Variants in RBBP8 observed in about 807,000 individuals in gnomAD.
RBBP8 encodes DNA endonuclease RBBP8.
RBBP8 carries 88 observed loss-of-function variants against 108.3 expected under a neutral mutation model. The ratio of observed to expected loss-of-function variants is 0.81; its 90% CI spans 0.68 to 0.97. RBBP8 has a LOEUF of 0.97. Ranked by LOEUF, RBBP8 falls within the 50% of genes least tolerant of loss-of-function variation. The pLI is 0.00. For missense variants in RBBP8, 1,023 were observed against 1,049.0 expected, an observed-to-expected ratio of 0.98 and a Z score of 0.34; for synonymous variants, 332 against 348.2, an observed-to-expected ratio of 0.95 and a Z score of 0.52.
chr18:22,989,102 G>A (rs1915514473), intron 8 of RBBP8, 119 bp from the exon 9 acceptor site: 9 of 684,784 alleles, frequency 1.3e-5, no homozygotes, highest in South Asian at 1.0e-4. Flanking sequence ...TGTGTCTAGT[G>A]CCATCTTATG....
Position 22,992,835 on chromosome 18 carries a change from C to A in RBBP8, c.1008C>A (p.Ile336=). ...SSPVFGATSS[I]KSGLDLNTSL... Reference sequence around the variant, plus strand: ...CTGTATTTGGAGCTACCTCTAGTATCAAAAGTGGTTTAGATTTGAATACAA... The same window carrying A: ...CTGTATTTGGAGCTACCTCTAGTATAAAAAGTGGTTTAGATTTGAATACAA... The change falls in exon 11 of 19, where the codon ATC becomes ATA. Residue 336 remains isoleucine (I), a synonymous_variant. Transcript: ENST00000327155. 6.2e-7 allele frequency: 1 copy of A among 1,612,530 alleles called. No homozygotes were observed. Among genetic ancestry groups the A allele is most frequent in the South Asian group, 1.1e-5 (1 of 91,036 alleles).
chr18:22,959,306 G>T (rs1306957696), intron 4 of RBBP8, among the ~76,000 whole-genome samples: 1 of 152,128 alleles, frequency 6.6e-6, no homozygotes, highest in African/African-American at 2.4e-5. Context: ...CTCATTGTTA[G>T]CATTCCAGTA....
Position 22,990,968 on chromosome 18 carries a change from A to G in RBBP8, c.839A>G (p.Asp280Gly). 6.2e-7 allele frequency: 1 copy of G among 1,613,810 alleles called. No individual in the cohort carries two copies. The highest frequency in any genetic ancestry group is 8.5e-7 in the Non-Finnish European group (1 of 1,179,776). Residue 280 changes from aspartate to glycine, a missense_variant, in exon 10 of 19, where the codon GAT becomes GGT. Physicochemically the swap from Asp to Gly is moderately conservative, Grantham distance 94 (BLOSUM62 -1). Coordinates refer to ENST00000327155, the MANE Select transcript of RBBP8 (RefSeq NM_002894.3). Reference sequence around the variant, plus strand: ...CAAGGTCCCATGAGCCCCCTTGGTGATGAGCTCTACCACTGTCTGGAAGGA... The same window carrying G: ...CAAGGTCCCATGAGCCCCCTTGGTGGTGAGCTCTACCACTGTCTGGAAGGA... ...ETQGPMSPLGDELYHCLEGNH... is the reference protein window; with the variant it reads ...ETQGPMSPLGGELYHCLEGNH...
At chr18:22,922,810 ATTAG>A (rs1411365228) in intron 3 of RBBP8, among the ~76,000 whole-genome samples, 1 of 152,164 alleles carries the variant, frequency 6.6e-6, no homozygotes, top group African/African-American at 2.4e-5. Context: ...AAATAAAGAG[ATTAG>A]TTTCTCCTTT....
At chr18:22,944,222 A>G (rs1259762703) in intron 2 of RBBP8, among the ~76,000 whole-genome samples, 1 of 152,240 alleles carries the variant, frequency 6.6e-6, no homozygotes. Context: ...AACCTGTTTC[A>G]GGGTGATCTA....
chr18:22,982,346 A>T lies in RBBP8; in HGVS notation c.557A>T (p.Tyr186Phe). The change falls in exon 7 of 19, where the codon TAC becomes TTC. Residue 186 changes from tyrosine (Y) to phenylalanine (F), a missense_variant. Coordinates refer to ENST00000327155, the MANE Select transcript of RBBP8 (RefSeq NM_002894.3). ...AGAAAGGAGAACCCCCATGTCCGAT[A>T]CATAGAACAAACACATACTAAATTG... ...LRRKENPHVR[Y>F]IEQTHTKLEH... 1 of 1,614,166 alleles carries T rather than the reference A, an allele frequency of 6.2e-7. No homozygotes were observed. The highest frequency in any genetic ancestry group is 8.5e-7 in the Non-Finnish European group (1 of 1,180,004).
At chr18:22,948,468 G>A (rs1911755427) in intron 3 of RBBP8, among the ~76,000 whole-genome samples, 1 of 152,062 alleles carries the variant, frequency 6.6e-6, no homozygotes, top group Admixed American at 6.6e-5. Flanking sequence ...CAAGTTCTCA[G>A]ATGTCCCTAC....
At chr18:22,955,490 A>G (rs1359673075) in intron 4 of RBBP8, among the ~76,000 whole-genome samples, 1 of 152,144 alleles carries the variant, frequency 6.6e-6, no homozygotes, top group Non-Finnish European at 1.5e-5. Flanking sequence ...GATAGATGAT[A>G]GATCCATTTT....
At chr18:22,991,927 T>TA (rs1474831998) in intron 10 of RBBP8, among the ~76,000 whole-genome samples, 5 of 152,202 alleles carry the variant, frequency 3.3e-5, no homozygotes, top group Admixed American at 3.3e-4. Context: ...TAGATTTTGT[T>TA]ACCCTAATTT....
chr18:22,978,582 G>A (rs369098915), intron 6 of RBBP8, among the ~76,000 whole-genome samples: 1 of 151,276 alleles, frequency 6.6e-6, no homozygotes. Flanking sequence ...ATTGCTTCTC[G>A]TGACTCATTC....
At chr18:22,991,170 A>G (rs1915673611) in intron 10 of RBBP8, 121 bp downstream of exon 10, 2 of 784,162 alleles carry the variant, frequency 2.6e-6, no homozygotes, top group South Asian at 1.5e-5. Flanking sequence ...GGTTATATAA[A>G]TGTTTACTTT....
intron 6 of RBBP8, chr18:22,977,924 A>G (rs1022245524): frequency 5.9e-5 from 9 of 152,116 alleles, no homozygotes; most frequent in Admixed American, 3.9e-4. Flanking sequence ...GGCATTAAAT[A>G]TCCTCTGTTC....
intron 15 of RBBP8, chr18:23,004,650 T>C (rs2144759145): frequency 6.6e-6 from 1 of 151,988 alleles, no homozygotes; most frequent in Admixed American, 6.6e-5. Flanking sequence ...GGAGTAGTGC[T>C]GTATTGGAGT....
At chr18:23,000,019 A>C (rs1303190960) in intron 14 of RBBP8, among the ~76,000 whole-genome samples, 1 of 152,248 alleles carries the variant, frequency 6.6e-6, no homozygotes, top group Non-Finnish European at 1.5e-5. Context: ...ATAAATATCA[A>C]GCAAAAATTT....
intron 1 of RBBP8, among the ~76,000 whole-genome samples, chr18:22,934,509 TA>T (rs1910337178): frequency 6.6e-6 from 1 of 152,014 alleles, no homozygotes; most frequent in Non-Finnish European, 1.5e-5. Context: ...TGCAGAGAGG[TA>T]TTTTTTCTTT....
chr18:22,954,347 A>T (rs566267096), intron 4 of RBBP8, among the ~76,000 whole-genome samples: 2 of 152,324 alleles, frequency 1.3e-5, no homozygotes, highest in South Asian at 2.1e-4. Flanking sequence ...AAATACACCC[A>T]TTCCAAATGG....
intron 15 of RBBP8, among the ~76,000 whole-genome samples, chr18:23,004,056 CAAAAAAAAAAAAAAA>C (rs34653966): frequency 1.4e-5 from 1 of 69,670 alleles, no homozygotes. Context: ...GACCCCGTCT[CAAAAAAAAAAAAAAA>C]AAAAAAAAAA....
At chr18:22,926,578 T>G (rs895160450) in intron 3 of RBBP8, among the ~76,000 whole-genome samples, 1 of 152,232 alleles carries the variant, frequency 6.6e-6, no homozygotes, top group Admixed American at 6.5e-5. Flanking sequence ...ATCGGGCAAA[T>G]TATGTGCCAG....
In RBBP8 at chr18:23,022,250, C is replaced by G. The variant is rs745514276; in HGVS notation, c.2576C>G (p.Thr859Ser). 6.2e-7 allele frequency: 1 copy of G among 1,611,376 alleles called. No homozygotes were observed. The highest frequency in any genetic ancestry group is 1.3e-5 in the African/African-American group (1 of 74,870). The change falls in exon 18 of 19, where the codon ACT (threonine) becomes AGT (serine). Residue 859 changes from threonine (T) to serine (S), a missense_variant. Coordinates refer to ENST00000327155, the MANE Select transcript of RBBP8 (RefSeq NM_002894.3). ...ENFWEVGFPS[T>S]QTCMERGYIK... is the part of the protein sequence containing the mutation. Reference sequence around the variant, plus strand: ...TTTTGGGAAGTTGGTTTTCCTTCCACTCAGACTTGTATGGAAAGAGGTGAG... The same window carrying G: ...TTTTGGGAAGTTGGTTTTCCTTCCAGTCAGACTTGTATGGAAAGAGGTGAG...
Sources: gnomAD v4.1 joint callset for allele counts (sites outside exome capture counted in the v4.1 genomes callset) on GRCh38, gnomAD v4.1.1 for gene constraint, MANE v1.5 for transcripts, NCBI Gene and HGNC (gene_info 2026-07-23, HGNC 2026-07-21) for gene names.